The following DSCAML1 variants were observed in gnomAD, a reference collection of about 807,000 sequenced individuals.
DSCAML1 encodes the protein DS cell adhesion molecule like 1, also known as cell adhesion molecule DSCAML1.
Under a neutral mutation model 200.5 loss-of-function variants are expected in DSCAML1, and 38 were observed. That is an observed-to-expected ratio of 0.19 (90% CI 0.15 to 0.25). The LOEUF (loss-of-function observed/expected upper bound fraction) is 0.25. Ranked by LOEUF, DSCAML1 falls within the 10% of genes least tolerant of loss-of-function variation. The pLI is 1.00. For synonymous variants in DSCAML1, 1,215 were observed against 1,165.0 expected (o/e 1.04, Z -0.87); for missense variants, 2,223 against 2,858.8 (o/e 0.78, Z 5.07).
intron 8 of DSCAML1, among the ~76,000 whole-genome samples, chr11:117,512,781 A>ACACACACACACACACC (rs1565753995): frequency 5.4e-5 from 8 of 148,858 alleles, no homozygotes; most frequent in African/African-American, 1.5e-4. Flanking sequence ...ACACACACAC[A>ACACACACACACACACC]CACACACACA....
intron 3 of DSCAML1, among the ~76,000 whole-genome samples, chr11:117,663,674 A>T (rs974249365): frequency 2.6e-5 from 4 of 152,008 alleles, no homozygotes; most frequent in Non-Finnish European, 4.4e-5. Flanking sequence ...ACAGGGATTG[A>T]TTTGTTTAGT....
Position 117,481,988 on chromosome 11 carries a change from C to T in DSCAML1, c.2534G>A (p.Gly845Asp), listed in dbSNP as rs1435714115. ...CTTCAGTGTGGAGACGACCTCGTCG[C>T]CGTTGTCCTTGGTGGCGATGGCATA... ...MRYAIATKDN[G>D]DEVVSTLKLK... Residue 845 changes from glycine (G) to aspartate (D), a missense_variant, in exon 12 of 33, where the codon GGC becomes GAC. Physicochemically the swap from Gly to Asp is moderately conservative, Grantham distance 94. This residue lies in a region of DSCAML1 where 438 missense variants were observed against 629.7 expected (regional missense o/e 0.70). Transcript: ENST00000651296. 1 of 1,614,026 alleles carries T rather than the reference C, an allele frequency of 6.2e-7. No homozygotes were observed. The highest frequency in any genetic ancestry group is 8.5e-7 in the Non-Finnish European group (1 of 1,180,016).
chr11:117,512,372 C>T (rs547420213), intron 8 of DSCAML1, among the ~76,000 whole-genome samples: 49 of 152,210 alleles, frequency 3.2e-4, no homozygotes, highest in Admixed American at 2.3e-3. Context: ...ACAGCGCATC[C>T]GCTAATCAAG....
chr11:117,624,747 G>C (rs1217396573), intron 3 of DSCAML1, among the ~76,000 whole-genome samples: 1 of 152,088 alleles, frequency 6.6e-6, no homozygotes, highest in South Asian at 2.1e-4. Flanking sequence ...GTAAGCCCTG[G>C]GGTCAAATGC....
chr11:117,682,724 A>G (rs2053332857), intron 3 of DSCAML1, among the ~76,000 whole-genome samples: 1 of 152,168 alleles, frequency 6.6e-6, no homozygotes. Context: ...CCAAGCCTGG[A>G]GAGAATATGT....
Position 117,503,991 on chromosome 11 carries a change from A to G in DSCAML1, c.2213T>C (p.Val738Ala). Residue 738 changes from valine to alanine, a missense_variant, in exon 11 of 33, where the codon GTG becomes GCG. Transcript: ENST00000651296. This position sits in a 1 kb window ranked among gnomAD's most constrained non-coding sequence, Gnocchi z 5.2. The part of the protein sequence containing the change: ...GSGNPQQYHP[V>A]PLTGRIQILP... ...GATCTGGATGCGGCCAGTGAGGGGC[A>G]CAGGGTGGTACTGCTGGGGGTTCCC... is the stretch of plus-strand genomic sequence containing the variant. 1 of 1,614,118 alleles carries G rather than the reference A, an allele frequency of 6.2e-7. No individual in the cohort carries two copies. Among genetic ancestry groups the G allele is most frequent in the South Asian group, 1.1e-5 (1 of 91,074 alleles).
chr11:117,576,582 G>C (rs1241582212), intron 3 of DSCAML1, among the ~76,000 whole-genome samples: 1 of 152,224 alleles, frequency 6.6e-6, no homozygotes, highest in Non-Finnish European at 1.5e-5. Context: ...GGAGCTCCTA[G>C]CACCGTGCCT....
intron 1 of DSCAML1, among the ~76,000 whole-genome samples, chr11:117,793,378 G>A (rs2055511808): frequency 6.6e-6 from 1 of 152,120 alleles, no homozygotes. Context: ...TCGCAGCCTG[G>A]AACTCGTATC....
At chr11:117,637,787 A>G (rs1218313699) in intron 3 of DSCAML1, among the ~76,000 whole-genome samples, 1 of 152,262 alleles carries the variant, frequency 6.6e-6, no homozygotes, top group Non-Finnish European at 1.5e-5. Context: ...CTACATGTCA[A>G]GATATGGCTT....
rs367956754 is a variant in DSCAML1 at position 117,816,045 on chromosome 11, C to G, written c.-250+1345G>C. On this transcript the variant is annotated intron_variant, in intron 1 of 2. Coordinates refer to the DSCAML1 transcript ENST00000525836. ...CAATCTCCCAATGCCACCTTCTTTGCCCCTCCAGTGTCAGGTTGAAGCTCT... is the reference window on the plus strand; with the variant it reads ...CAATCTCCCAATGCCACCTTCTTTGGCCCTCCAGTGTCAGGTTGAAGCTCT... 9.2e-5 allele frequency among the ~76,000 whole-genome samples: 14 copies of G among 152,196 alleles called. No individual in the cohort carries two copies. The East Asian group carries it at 1.6e-3, about 17-fold the overall frequency.
intron 4 of DSCAML1, among the ~76,000 whole-genome samples, chr11:117,531,506 T>C (rs1441924847): frequency 6.6e-6 from 1 of 152,178 alleles, no homozygotes; most frequent in Admixed American, 6.5e-5. Flanking sequence ...TTTAGAAATA[T>C]TTTGTTTATA....
intron 5 of DSCAML1, 122 bp downstream of exon 5, chr11:117,524,683 C>T: frequency 7.9e-7 from 1 of 1,258,526 alleles, no homozygotes; most frequent in South Asian, 1.5e-5. Context: ...CTTCCCCAGT[C>T]AGCCAGGGTT....
rs376548708 is a variant in DSCAML1 at position 117,718,594 on chromosome 11, A to G, written c.511+58197T>C. Among the ~76,000 whole-genome samples the G allele has an allele frequency of 9.6e-4, 145 of 150,588 alleles. No homozygotes were observed. The Middle Eastern group carries it at 0.021, about 22-fold the overall frequency. ...CCTTAAGACAGAAAATATGTGATTC[A>G]GGAAGGTGTATGACCAAATATCGCT... On this transcript the variant is annotated intron_variant, in intron 3 of 32. Coordinates refer to ENST00000651296, the MANE Select transcript of DSCAML1 (RefSeq NM_020693.4).
chr11:117,680,844 C>T (rs1254264752), intron 3 of DSCAML1, among the ~76,000 whole-genome samples: 2 of 152,198 alleles, frequency 1.3e-5, no homozygotes, highest in Non-Finnish European at 2.9e-5. Context: ...GCTGGACCTG[C>T]AGCAGTGAGA....
intron 20 of DSCAML1, 148 bp downstream of exon 20, chr11:117,450,401 T>G: frequency 9.0e-7 from 1 of 1,115,676 alleles, no homozygotes. Flanking sequence ...TCGGCCACTC[T>G]GGGTGGCCAG....
At chr11:117,483,241 C>T (rs1290265556) in intron 11 of DSCAML1, among the ~76,000 whole-genome samples, 2 of 152,218 alleles carry the variant, frequency 1.3e-5, no homozygotes, top group African/African-American at 4.8e-5. Context: ...ATCATGAGAC[C>T]TCGTGCCAGG....
intron 3 of DSCAML1, among the ~76,000 whole-genome samples, chr11:117,716,946 G>T (rs2137783920): frequency 6.6e-6 from 1 of 152,208 alleles, no homozygotes; most frequent in Admixed American, 6.5e-5. Flanking sequence ...AGAAAGTCTG[G>T]CGACCCTTAG....
intron 1 of DSCAML1, among the ~76,000 whole-genome samples, chr11:117,806,151 G>T (rs944840261): frequency 6.6e-6 from 1 of 152,220 alleles, no homozygotes; most frequent in African/African-American, 2.4e-5. Flanking sequence ...ATGTGGCTGG[G>T]TTGGATGATC....
chr11:117,450,951 G>C (rs2048271200), intron 19 of DSCAML1, among the ~76,000 whole-genome samples: 1 of 152,166 alleles, frequency 6.6e-6, no homozygotes. Context: ...CAGAACCAAG[G>C]ACTTAGGATA....
Sources: gnomAD v4.1 joint callset for allele counts (sites outside exome capture counted in the v4.1 genomes callset) on GRCh38, gnomAD v4.1.1 for gene constraint, gnomAD v4.1.1 regional missense constraint, Gnocchi (gnomAD v3.1) non-coding constraint, MANE v1.5 for transcripts, NCBI Gene and HGNC (gene_info 2026-07-23, HGNC 2026-07-21) for gene names.